PRR11: variants seen among roughly 807,000 people sequenced by gnomAD.
PRR11 encodes the protein proline-rich protein 11.
In PRR11, 30 loss-of-function variants were observed where a neutral mutation model predicts 45.6. The ratio of observed to expected loss-of-function variants is 0.66; its 90% confidence interval spans 0.49 to 0.89. The LOEUF is 0.89. PRR11 is among the 40% of genes least tolerant of loss of function. PRR11 has a pLI of 0.00. For synonymous variants in PRR11, 128 were observed against 153.5 expected (o/e 0.83, Z 1.23); for missense variants, 373 against 424.8 (o/e 0.88, Z 1.07).
chr17:59,177,670 C>G (rs1178783080), intron 2 of PRR11, among the ~76,000 whole-genome samples: 2 of 152,070 alleles, frequency 1.3e-5, no homozygotes, highest in African/African-American at 4.8e-5. Context: ...GCCACTCATT[C>G]ACTCAGCAAG....
At chr17:59,171,156 G>A (rs1173038178) in intron 2 of PRR11, among the ~76,000 whole-genome samples, 1 of 152,138 alleles carries the variant, frequency 6.6e-6, no homozygotes, top group Non-Finnish European at 1.5e-5. Context: ...CCAGCTACTC[G>A]GGAGGCTGAA....
In PRR11 at chr17:59,185,425, T is replaced by G. The variant is rs548618532; in HGVS notation, c.280-15T>G. The G allele has an allele frequency of 2.5e-6, 4 of 1,590,050 alleles. No homozygotes were observed. The highest frequency in any genetic ancestry group is 3.4e-6 in the Non-Finnish European group (4 of 1,168,082). On this transcript the variant is annotated splice_polypyrimidine_tract_variant and intron_variant, in intron 3 of 9. Transcript: ENST00000262293. ...ATTACTCATAGGACTCAGAATTGTT[T>G]ATTATTAATTTCAGAGTTTAGAAGT...
chr17:59,200,810 A>G (rs113455078), intron 9 of PRR11, among the ~76,000 whole-genome samples: 15,328 of 151,630 alleles, frequency 0.1, 1,024 homozygotes, highest in South Asian at 0.26. Flanking sequence ...TAAAATTTAT[A>G]GACGAAGTCT....
At chr17:59,160,778 G>A (rs995518565) in intron 1 of PRR11, 3 of 152,074 alleles carry the variant, frequency 2.0e-5, no homozygotes, top group African/African-American at 7.2e-5. Flanking sequence ...CTGTGTTCCA[G>A]GCTGGAGTAC....
At chr17:59,193,402 A>G in intron 4 of PRR11, 90 bp from the exon 5 acceptor site, 1 of 1,481,728 alleles carries the variant, frequency 6.7e-7, no homozygotes, top group Non-Finnish European at 9.3e-7. Flanking sequence ...GAAAGCATTC[A>G]ATACATGGTA....
chr17:59,197,530 CTTTGT>C lies in PRR11; in HGVS notation c.858-10_858-6del. The C allele has an allele frequency of 1.2e-6, 2 of 1,612,232 alleles. No homozygotes were observed. The highest frequency in any genetic ancestry group is 2.2e-5 in the South Asian group (2 of 91,024). On this transcript the variant is annotated splice_polypyrimidine_tract_variant and intron_variant, in intron 7 of 9. Transcript: ENST00000262293. ...CCTCCCAAAGTTCTAATTTTTATAT[CTTTGT>C]TTTATCAGCACTCCTGGAAAAAGTC...
At chr17:59,188,939 CAAAAAT>C (rs1233456739) in intron 4 of PRR11, among the ~76,000 whole-genome samples, 4 of 107,966 alleles carry the variant, frequency 3.7e-5, no homozygotes, top group Non-Finnish European at 6.1e-5. Flanking sequence ...GACTGTGTCT[CAAAAAT>C]AATAATAATA....
chr17:59,158,285 A>G (rs556900966), intron 1 of PRR11, among the ~76,000 whole-genome samples: 1 of 152,330 alleles, frequency 6.6e-6, no homozygotes, highest in South Asian at 2.1e-4. Flanking sequence ...TTATGAATTA[A>G]AGGGTACTAA....
chr17:59,160,128 C>T (rs2046644298), intron 1 of PRR11, among the ~76,000 whole-genome samples: 1 of 151,800 alleles, frequency 6.6e-6, no homozygotes, highest in South Asian at 2.1e-4. Context: ...AATGATAAAA[C>T]TTATTGCCTG....
rs751145711 is a variant in PRR11 at position 59,195,352 on chromosome 17, C to T, written c.766C>T (p.Arg256Trp). The T allele has an allele frequency of 4.3e-5, 70 of 1,613,460 alleles. 2 individuals carry two copies. In the South Asian group the frequency reaches 5.8e-4, roughly 13 times the overall value. ...KRKLIPSPKARNPLVTVSDLQ... is the reference protein window; with the variant it reads ...KRKLIPSPKAWNPLVTVSDLQ... ...AAAGCTTATACCATCGCCGAAAGCA[C>T]GGAATCCACTAGTTACCGTCTCTGA... The change falls in exon 7 of 10, where the codon CGG becomes TGG. Residue 256 changes from arginine (R) to tryptophan (W), a missense_variant. Physicochemically the swap from Arg to Trp is moderately radical, Grantham distance 101 (BLOSUM62 -3). Transcript: ENST00000262293.
At chr17:59,177,435 T>A (rs2046754068) in intron 2 of PRR11, among the ~76,000 whole-genome samples, 1 of 152,000 alleles carries the variant, frequency 6.6e-6, no homozygotes, top group Admixed American at 6.6e-5. Context: ...CGGATGCAAA[T>A]CCGAGAAGCT....
intron 1 of PRR11, among the ~76,000 whole-genome samples, chr17:59,159,691 T>G (rs1392311651): frequency 6.6e-6 from 1 of 152,228 alleles, no homozygotes; most frequent in Non-Finnish European, 1.5e-5. Flanking sequence ...CAGGATATGC[T>G]TTAGTCACAC....
intron 1 of PRR11, among the ~76,000 whole-genome samples, chr17:59,160,362 CTTG>C (rs1343949302): frequency 2.0e-5 from 3 of 152,132 alleles, no homozygotes; most frequent in South Asian, 4.1e-4. Flanking sequence ...TATACTTCCT[CTTG>C]TTGTTTGTTT....
At chr17:59,191,360 A>G (rs938470891) in intron 4 of PRR11, among the ~76,000 whole-genome samples, 1 of 151,658 alleles carries the variant, frequency 6.6e-6, no homozygotes, top group Non-Finnish European at 1.5e-5. Context: ...CTGGGATTAC[A>G]GGTGCCCACC....
At chr17:59,174,950 C>T in intron 2 of PRR11, 3 of 936,114 alleles carry the variant, frequency 3.2e-6, no homozygotes, top group Non-Finnish European at 3.3e-6. Context: ...CTACCCCCAC[C>T]CCGCCTACCT....
At chr17:59,184,538 T>C (rs901109239) in intron 2 of PRR11, among the ~76,000 whole-genome samples, 3 of 152,166 alleles carry the variant, frequency 2.0e-5, no homozygotes, top group Non-Finnish European at 4.4e-5. Context: ...TAGGAGTCTC[T>C]TGCTCATGGG....
At chr17:59,195,210 G>T in intron 6 of PRR11, 121 bp from the exon 7 acceptor site, 1 of 713,290 alleles carries the variant, frequency 1.4e-6, no homozygotes, top group Non-Finnish European at 2.4e-6. Flanking sequence ...ATAAAAATTG[G>T]GTAGCATACT....
chr17:59,195,899 T>C (rs1249423345), intron 7 of PRR11, among the ~76,000 whole-genome samples: 1 of 151,766 alleles, frequency 6.6e-6, no homozygotes, highest in Non-Finnish European at 1.5e-5. Flanking sequence ...GGCAACATAG[T>C]GAGAGCCCCA....
chr17:59,187,267 C>T (rs2147850624), intron 4 of PRR11, among the ~76,000 whole-genome samples: 1 of 152,194 alleles, frequency 6.6e-6, no homozygotes. Context: ...AGTAGGTGCT[C>T]AACTTCACTT....
Sources: gnomAD v4.1 joint callset for allele counts (sites outside exome capture counted in the v4.1 genomes callset) on GRCh38, gnomAD v4.1.1 for gene constraint, MANE v1.5 for transcripts, NCBI Gene and HGNC (gene_info 2026-07-23, HGNC 2026-07-21) for gene names.